Variants in RPGR observed in about 807,000 individuals in gnomAD.
The protein encoded by RPGR is X-linked retinitis pigmentosa GTPase regulator.
A neutral mutation model predicts 56.3 loss-of-function variants in RPGR; 10 were observed. The ratio of observed to expected loss-of-function variants is 0.18; its 90% CI spans 0.11 to 0.30. The LOEUF (loss-of-function observed/expected upper bound fraction) is 0.30, where lower values mean the gene tolerates loss of function less well. RPGR is among the 10% of genes least tolerant of loss of function. The pLI is 1.00. For synonymous variants in RPGR, 197 were observed against 212.9 expected (o/e 0.93, Z 0.65); for missense variants, 538 against 590.9 (o/e 0.91, Z 0.93).
chrX:38,285,479 C>T (rs1029387759), intron 15 of RPGR: 11 of 1,205,856 alleles, frequency 9.1e-6, no homozygotes, highest in Non-Finnish European at 1.2e-5. Flanking sequence ...AATGAGTGCC[C>T]GTTATATGCA....
chrX:38,296,413 A>C (rs2067386757), intron 11 of RPGR, among the ~76,000 whole-genome samples: 1 of 111,957 alleles, frequency 8.9e-6, no homozygotes, highest in Non-Finnish European at 1.9e-5. Context: ...ATTAAGAGAG[A>C]ATATTCCCTC....
chrX:38,298,414 T>C (rs1297127594), intron 10 of RPGR: 3 of 322,333 alleles, frequency 9.3e-6, no homozygotes, highest in Non-Finnish European at 1.8e-5. Flanking sequence ...TCATTGTTTA[T>C]AGTATATAAG....
Position 38,323,484 on chromosome X carries a change from A to G in RPGR, c.69T>C (p.Ala23=). 8.3e-7 allele frequency: 1 copy of G among 1,209,337 alleles called. No individual in the cohort carries two copies. The highest frequency in any genetic ancestry group is 1.1e-6 in the Non-Finnish European group (1 of 893,672). The change falls in exon 2 of 19, where the codon GCT becomes GCC. Residue 23 remains alanine, a synonymous_variant. Coordinates refer to ENST00000642395, the MANE Select transcript of RPGR (RefSeq NM_000328.3). ...ACCAGAATTTACCGGGATTATTTTC[A>G]GCAAATTTACTTTTCCCAAATGTAA...
intron 10 of RPGR, chrX:38,298,290 T>C: frequency 3.6e-6 from 1 of 277,492 alleles, no homozygotes; most frequent in Non-Finnish European, 6.6e-6. Context: ...AAAACACATA[T>C]ATATATATGT....
At chrX:38,321,861 C>T (rs1322435418) in intron 3 of RPGR, among the ~76,000 whole-genome samples, 1 of 111,297 alleles carries the variant, frequency 9.0e-6, no homozygotes, top group East Asian at 2.8e-4. Context: ...TTCATTCATT[C>T]ATCTACATAT....
At chrX:38,307,822 C>T (rs1456566451) in intron 7 of RPGR, among the ~76,000 whole-genome samples, 2 of 111,781 alleles carry the variant, frequency 1.8e-5, no homozygotes, top group Non-Finnish European at 3.8e-5. Flanking sequence ...CATACATATA[C>T]ATTTATACAG....
intron 7 of RPGR, among the ~76,000 whole-genome samples, chrX:38,305,542 TGGA>T (rs2067580005): frequency 9.0e-6 from 1 of 110,635 alleles, no homozygotes; most frequent in African/African-American, 3.3e-5. Context: ...GGTCAGGAGT[TGGA>T]GAAGAGTCTG....
intron 15 of RPGR, among the ~76,000 whole-genome samples, chrX:38,283,894 G>A (rs1194938494): frequency 1.8e-5 from 2 of 110,495 alleles, no homozygotes; most frequent in African/African-American, 3.3e-5. Flanking sequence ...AATCATGTTC[G>A]GCACATATAT....
At chrX:38,284,889 T>C (rs1282151718) in intron 15 of RPGR, 2 of 746,065 alleles carry the variant, frequency 2.7e-6, no homozygotes, top group African/African-American at 4.6e-5. Flanking sequence ...AATCACCATT[T>C]CATTAGATAT....
At chrX:38,313,183 T>G (rs775643261) in intron 6 of RPGR, among the ~76,000 whole-genome samples, 2 of 111,808 alleles carry the variant, frequency 1.8e-5, no homozygotes, top group East Asian at 5.6e-4. Context: ...ATGGTTAATC[T>G]CAAATACCAC....
chrX:38,307,230 A>G (rs915144173), intron 7 of RPGR, among the ~76,000 whole-genome samples: 1 of 111,494 alleles, frequency 9.0e-6, no homozygotes, highest in East Asian at 2.8e-4. Context: ...AAAACTACAA[A>G]TATCACTCTG....
chrX:38,273,075 AC>A (rs1277678229), intron 18 of RPGR, among the ~76,000 whole-genome samples: 2 of 112,268 alleles, frequency 1.8e-5, no homozygotes, highest in Non-Finnish European at 3.8e-5. Context: ...AAAGATAGGA[AC>A]ATTGATGAGC....
At position 38,297,427 on chromosome X, in the gene RPGR, A is replaced by G. The variant is rs770963251; in HGVS notation, c.1271T>C (p.Met424Thr). ...TTCTATTGGAGGTAGTGTTCTCCTC[A>G]TTGAAAAAGAATCTGGAGACCTCTC... The change falls in exon 11 of 19, where the codon ATG becomes ACG. Residue 424 changes from methionine (M) to threonine (T), a missense_variant. Met to Thr is a moderately conservative substitution (Grantham distance 81). Coordinates refer to ENST00000642395, the MANE Select transcript of RPGR (RefSeq NM_000328.3). The G allele has an allele frequency of 3.3e-6, 4 of 1,208,934 alleles. No homozygotes were observed. In the South Asian group the frequency reaches 7.0e-5, roughly 21 times the overall value.
At chrX:38,304,493 T>C in intron 8 of RPGR, 142 bp downstream of exon 8, 1 of 482,633 alleles carries the variant, frequency 2.1e-6, no homozygotes, top group Non-Finnish European at 3.5e-6. Context: ...ACTTTATACT[T>C]TGGAATAGTA....
chrX:38,290,544 A>C (rs1486222630), intron 13 of RPGR, among the ~76,000 whole-genome samples: 1 of 112,432 alleles, frequency 8.9e-6, no homozygotes, highest in African/African-American at 3.2e-5. Context: ...AAAATTTTAA[A>C]ACTAAAAAAG....
At chrX:38,292,848 C>T (rs893446283) in intron 11 of RPGR, among the ~76,000 whole-genome samples, 1 of 111,085 alleles carries the variant, frequency 9.0e-6, no homozygotes, top group Non-Finnish European at 1.9e-5. Context: ...AATTAGAATT[C>T]TGAGGGGCAG....
At chrX:38,279,207 T>C (rs2066986645) in intron 15 of RPGR, 1 of 329,374 alleles carries the variant, frequency 3.0e-6, no homozygotes, top group South Asian at 2.6e-5. Flanking sequence ...GGCAGAATAC[T>C]GTCATTTTAT....
At chrX:38,326,750 G>A (rs950723496) in intron 1 of RPGR, 1 of 111,156 alleles carries the variant, frequency 9.0e-6, no homozygotes, top group East Asian at 2.8e-4. Context: ...CCGCACTTTG[G>A]GGAGTTTACA....
At chrX:38,321,697 TG>T (rs1345589312) in intron 3 of RPGR, among the ~76,000 whole-genome samples, 1 of 109,354 alleles carries the variant, frequency 9.1e-6, no homozygotes, top group African/African-American at 3.3e-5. Flanking sequence ...GTAATTAATA[TG>T]TGCTGAGACC....
Sources: allele counts gnomAD v4.1 joint callset (sites outside exome capture counted in the v4.1 genomes callset), GRCh38; gene constraint gnomAD v4.1.1; transcripts MANE v1.5; gene names NCBI Gene and HGNC (gene_info 2026-07-23, HGNC 2026-07-21).